Variants in MSN observed in about 807,000 individuals in gnomAD.
MSN encodes the protein moesin, also known as epididymis luminal protein 70.
A neutral mutation model predicts 48.0 loss-of-function variants in MSN; 2 were observed. That is an observed-to-expected ratio of 0.04 (90% CI 0.02 to 0.13). The LOEUF (loss-of-function observed/expected upper bound fraction) is 0.13. Ranked by LOEUF, MSN falls within the 10% of genes least tolerant of loss-of-function variation. The probability of loss-of-function intolerance (pLI) is 1.00; values close to 1 mark genes in which losing one functional copy is unlikely to be tolerated. For missense variants in MSN, 267 were observed against 470.1 expected (o/e 0.57, Z 3.99); for synonymous variants, 146 against 166.9 (o/e 0.87, Z 0.97).
chrX:65,650,730 A>T (rs2070736298), intron 1 of MSN, among the ~76,000 whole-genome samples: 1 of 112,529 alleles, frequency 8.9e-6, no homozygotes, highest in Non-Finnish European at 1.9e-5. Context: ...CCCGTAACAA[A>T]TTATGAGTGG....
intron 1 of MSN, among the ~76,000 whole-genome samples, chrX:65,675,740 C>T (rs753623608): frequency 6.3e-5 from 7 of 110,805 alleles, no homozygotes; most frequent in Non-Finnish European, 1.1e-4. Flanking sequence ...TGGGTTCAAG[C>T]GATTCTCGTT....
intron 10 of MSN, 122 bp from the exon 11 acceptor site, chrX:65,738,403 T>C: frequency 1.9e-6 from 1 of 522,390 alleles, no homozygotes; most frequent in Non-Finnish European, 3.2e-6. Flanking sequence ...AAAGAGTCTC[T>C]GAGGCAGCAA....
intron 1 of MSN, among the ~76,000 whole-genome samples, chrX:65,620,725 GCTC>G (rs1421726403): frequency 9.0e-6 from 1 of 111,218 alleles, no homozygotes; most frequent in African/African-American, 3.3e-5. Flanking sequence ...GGCCATCTTG[GCTC>G]CTCCTCCTCC....
Position 65,636,096 on chromosome X carries a change from C to T in MSN, c.-22+47484C>T, listed in dbSNP as rs768187408. ...GTGGATTGTTGCAACAGCTTGGTTT[C>T]TCTGCCTCCAGTTTCTCCCTGGGCA... On this transcript the variant is annotated intron_variant, in intron 1 of 3. Transcript: ENST00000609672. Among the ~76,000 whole-genome samples, 3 of 111,859 alleles carry T rather than the reference C, an allele frequency of 2.7e-5. No individual in the cohort carries two copies. The South Asian group carries it at 1.1e-3, about 42-fold the overall frequency.
chrX:65,672,213 G>C (rs765797852), intron 1 of MSN, among the ~76,000 whole-genome samples: 1 of 112,385 alleles, frequency 8.9e-6, no homozygotes, highest in African/African-American at 3.2e-5. Context: ...AACACTACCA[G>C]AGTTAGGCCT....
intron 1 of MSN, among the ~76,000 whole-genome samples, chrX:65,668,778 T>A (rs1365339823): frequency 8.9e-6 from 1 of 111,876 alleles, no homozygotes; most frequent in East Asian, 2.8e-4. Context: ...GTGCAAGTCA[T>A]GCCAAATGGC....
intron 1 of MSN, among the ~76,000 whole-genome samples, chrX:65,627,426 G>A (rs2070516753): frequency 9.0e-6 from 1 of 110,694 alleles, no homozygotes; most frequent in South Asian, 3.8e-4. Context: ...GGAGACGAAA[G>A]GCACTTCTTA....
rs775107132 is a variant in MSN at position 65,613,989 on chromosome X, GT to G, written c.-22+25382del. 3.7e-3 allele frequency among the ~76,000 whole-genome samples: 416 copies of G among 111,765 alleles called. 1 individual carries two copies. Among genetic ancestry groups the G allele is most frequent in the Non-Finnish European group, 6.6e-3 (350 of 53,153 alleles). ...GGTATTGCCTAGGTTTTCTTCTAGG[GT>G]TTTTATGGTTTTAGGTCTTACATTT... On this transcript the variant is annotated intron_variant, in intron 1 of 3. Transcript: ENST00000609672.
intron 1 of MSN, among the ~76,000 whole-genome samples, chrX:65,623,359 C>A (rs1054248487): frequency 8.7e-5 from 7 of 80,090 alleles, no homozygotes; most frequent in African/African-American, 1.3e-4. Flanking sequence ...TCTTTTTTTT[C>A]TTTCTTTTCT....
upstream of MSN, among the ~76,000 whole-genome samples, chrX:65,663,457 C>A (rs967891170): frequency 3.6e-5 from 4 of 110,505 alleles, no homozygotes; most frequent in Admixed American, 1.9e-4. Context: ...TCAAAAAAAA[C>A]AACAAATGCT....
chrX:65,605,730 T>C (rs897014688), intron 1 of MSN, among the ~76,000 whole-genome samples: 10 of 111,141 alleles, frequency 9.0e-5, no homozygotes, highest in Non-Finnish European at 1.9e-4. Flanking sequence ...ATTTTTCTGG[T>C]ATTTGAACAG....
chrX:65,667,598 G>T, upstream of MSN: 1 of 921,886 alleles, frequency 1.1e-6, no homozygotes, highest in Non-Finnish European at 1.3e-6. Context: ...GGGCGCGAGG[G>T]CGGGGAGCGG....
chrX:65,661,716 C>T (rs780352888), intron 1 of MSN, among the ~76,000 whole-genome samples: 1 of 111,835 alleles, frequency 8.9e-6, no homozygotes, highest in Non-Finnish European at 1.9e-5. Flanking sequence ...GAACACATCC[C>T]CATTTACCAT....
intron 1 of MSN, among the ~76,000 whole-genome samples, chrX:65,635,097 C>CT (rs773701217): frequency 8.9e-6 from 1 of 111,848 alleles, no homozygotes; most frequent in Admixed American, 9.5e-5. Context: ...TCCCATATCT[C>CT]TTTTTTTTCT....
chrX:65,735,355 G>A lies in MSN; in HGVS notation c.884G>A (p.Arg295His), dbSNP rs1167624194. 3.3e-6 allele frequency: 4 copies of A among 1,207,871 alleles called. No homozygotes were observed. The highest frequency in any genetic ancestry group is 4.5e-6 in the Non-Finnish European group (4 of 894,172). The change falls in exon 8 of 13, where the codon CGC (arginine) becomes CAC (histidine). Residue 295 changes from arginine to histidine, a missense_variant. Around this residue, in one of 5 missense-constraint regions of MSN, gnomAD observed 58 missense variants for 104.6 expected, o/e 0.55. Coordinates refer to ENST00000360270, the MANE Select transcript of MSN (RefSeq NM_002444.3). The stretch of plus-strand genomic sequence containing the variant: ...AACCATGAACTATACATGCGCCGTC[G>A]CAAGCCTGATACCATTGAGGTGCAG... ...MGNHELYMRR[R>H]KPDTIEVQQM...
chrX:65,669,048 C>T (rs1036483659), intron 1 of MSN, among the ~76,000 whole-genome samples: 1 of 111,709 alleles, frequency 9.0e-6, no homozygotes, highest in African/African-American at 3.3e-5. Context: ...TACTGTATAC[C>T]AGCCTCACTG....
intron 1 of MSN, among the ~76,000 whole-genome samples, chrX:65,658,420 G>T (rs1368558259): frequency 9.0e-6 from 1 of 111,607 alleles, no homozygotes; most frequent in African/African-American, 3.3e-5. Context: ...CAATCTCAGG[G>T]GCTTAGTTAA....
chrX:65,695,202 T>C (rs926778111), intron 1 of MSN, among the ~76,000 whole-genome samples: 4 of 110,227 alleles, frequency 3.6e-5, no homozygotes, highest in Non-Finnish European at 7.6e-5. Flanking sequence ...TCCATGTGTA[T>C]TGAAAGTATG....
rs1030100781 is a variant in MSN, at chrX:65,695,530, A to C, written c.13-21288A>C. Reference sequence around the variant, plus strand: ...CTCAAAAAAAAAAAAAAAAAAAAAAAAAAACAAAGAAAGAAAGTATGTTGT... The same window carrying C: ...CTCAAAAAAAAAAAAAAAAAAAAAACAAAACAAAGAAAGAAAGTATGTTGT... On this transcript the variant is annotated intron_variant, in intron 1 of 12. Coordinates refer to ENST00000360270, the MANE Select transcript of MSN (RefSeq NM_002444.3). 1.3e-4 allele frequency among the ~76,000 whole-genome samples: 14 copies of C among 107,457 alleles called. No individual in the cohort carries two copies. In the East Asian group the frequency reaches 3.5e-3, roughly 27 times the overall value. 93.3% of individuals were successfully genotyped at this position (107,457 alleles called of 115,157 possible).
Sources: allele counts gnomAD v4.1 joint callset (sites outside exome capture counted in the v4.1 genomes callset), GRCh38; gene constraint gnomAD v4.1.1; regional missense constraint gnomAD v4.1.1; transcripts MANE v1.5; gene names NCBI Gene and HGNC (gene_info 2026-07-23, HGNC 2026-07-21).